Variants in PRKCA observed in about 807,000 individuals in gnomAD.
PRKCA encodes protein kinase C alpha type.
A neutral mutation model predicts 87.0 loss-of-function variants in PRKCA; 27 were observed. The ratio of observed to expected loss-of-function variants is 0.31; its 90% CI spans 0.23 to 0.43. PRKCA has a LOEUF of 0.43. Ranked by LOEUF, PRKCA falls within the 20% of genes least tolerant of loss-of-function variation. The pLI, the probability that PRKCA is intolerant of heterozygous loss-of-function variation, is 1.00. For missense variants in PRKCA, 518 were observed against 852.3 expected, an observed-to-expected ratio of 0.61 and a Z score of 4.88; for synonymous variants, 329 against 311.1, an observed-to-expected ratio of 1.06 and a Z score of -0.61.
At position 66,534,511 on chromosome 17, in the gene PRKCA, C is replaced by T. The variant is rs542815681; in HGVS notation, c.288+38228C>T. Among the ~76,000 whole-genome samples the T allele has an allele frequency of 7.9e-5, 12 of 151,956 alleles. 1 individual carries two copies. In the East Asian group the frequency reaches 2.3e-3, roughly 29 times the overall value. Reference sequence around the variant, plus strand: ...TGAAACCCCATCTCTACTAAAAATACAAAAAATTAGCCGGGCGTGGTGGCG... The same window carrying T: ...TGAAACCCCATCTCTACTAAAAATATAAAAAATTAGCCGGGCGTGGTGGCG... On this transcript the variant is annotated intron_variant, in intron 3 of 16. Coordinates refer to ENST00000413366, the MANE Select transcript of PRKCA (RefSeq NM_002737.3).
intron 2 of PRKCA, among the ~76,000 whole-genome samples, chr17:66,418,073 G>A (rs915993976): frequency 6.6e-6 from 1 of 152,088 alleles, no homozygotes; most frequent in South Asian, 2.1e-4. Context: ...TTTTTGGTGC[G>A]CGTGGGTTTT....
intron 2 of PRKCA, among the ~76,000 whole-genome samples, chr17:66,315,879 A>G (rs1352087718): frequency 6.6e-6 from 1 of 152,252 alleles, no homozygotes; most frequent in Non-Finnish European, 1.5e-5. Flanking sequence ...ATGTCATGCC[A>G]GACCCTGCAG....
At chr17:66,768,722 A>G (rs1411575149) in intron 13 of PRKCA, among the ~76,000 whole-genome samples, 2 of 152,214 alleles carry the variant, frequency 1.3e-5, no homozygotes, top group East Asian at 1.9e-4. Context: ...TTCACTCACT[A>G]TCATGGAGAA....
At chr17:66,775,083 G>A in intron 14 of PRKCA, 1 of 985,430 alleles carries the variant, frequency 1.0e-6, no homozygotes, top group South Asian at 4.7e-5. Context: ...GCTGAAATTA[G>A]GAGGAATTAG....
chr17:66,699,279 G>C (rs934522422), intron 8 of PRKCA, among the ~76,000 whole-genome samples: 1 of 150,340 alleles, frequency 6.7e-6, no homozygotes, highest in East Asian at 1.9e-4. Context: ...AACAAAATTG[G>C]TAAACCTTTA....
At chr17:66,719,353 T>A (rs1973556682) in intron 8 of PRKCA, among the ~76,000 whole-genome samples, 1 of 152,162 alleles carries the variant, frequency 6.6e-6, no homozygotes, top group African/African-American at 2.4e-5. Flanking sequence ...TCTATCTGTA[T>A]CACATAGGAA....
Position 66,807,521 on chromosome 17 carries a change from T to C in PRKCA, c.*3484T>C, listed in dbSNP as rs544997517. On this transcript the variant is annotated 3_prime_UTR_variant, in exon 17 of 17. Coordinates refer to ENST00000413366, the MANE Select transcript of PRKCA (RefSeq NM_002737.3). This position sits in a 1 kb window ranked among gnomAD's most constrained non-coding sequence, Gnocchi z 4.3. ...AAAGGCAGATCAGAAACCACAGGAG[T>C]CAAAATTATTGCTCCGGCAGTGCTT... is the stretch of plus-strand genomic sequence containing the variant. 6.6e-6 allele frequency: 1 copy of C among 151,956 alleles called. No homozygotes were observed. The highest frequency in any genetic ancestry group is 2.1e-4 in the South Asian group (1 of 4,812). The allele number at this position is 151,956 out of a possible 1,614,324, so 9.4% of individuals were successfully genotyped here. A position where few individuals can be genotyped will look rare whatever the true frequency, so the allele number is the denominator to read the frequency against.
chr17:66,509,634 A>C (rs533250799), intron 3 of PRKCA, among the ~76,000 whole-genome samples: 1 of 152,300 alleles, frequency 6.6e-6, no homozygotes, highest in South Asian at 2.1e-4. Flanking sequence ...TCATACAAAA[A>C]CACCATTGTG....
intron 2 of PRKCA, 110 bp downstream of exon 2, chr17:66,306,237 A>G (rs1904807581): frequency 1.6e-6 from 2 of 1,250,686 alleles, no homozygotes; most frequent in South Asian, 1.4e-5. Flanking sequence ...TGTTATTTAG[A>G]TAATTTTGAA....
At chr17:66,674,680 C>G (rs1373429346) in intron 5 of PRKCA, among the ~76,000 whole-genome samples, 1 of 152,126 alleles carries the variant, frequency 6.6e-6, no homozygotes, top group Non-Finnish European at 1.5e-5. Context: ...TGTTGGGAGC[C>G]TAAAAGATAC....
intron 8 of PRKCA, among the ~76,000 whole-genome samples, chr17:66,712,740 A>C (rs894934031): frequency 6.6e-6 from 1 of 152,166 alleles, no homozygotes; most frequent in African/African-American, 2.4e-5. Context: ...TCCCAGCTCC[A>C]ATATTTCATA....
In PRKCA at chr17:66,366,340, ATT is replaced by A. The variant is rs1908723920; in HGVS notation, c.205+60216_205+60217del. Reference sequence around the variant, plus strand: ...GCTTTAAAGCAAACTTTTTTACACCATTTTCTGAGGCTTTTATTAATTACTCT... The same window carrying A: ...GCTTTAAAGCAAACTTTTTTACACCATTCTGAGGCTTTTATTAATTACTCT... On this transcript the variant is annotated intron_variant, in intron 2 of 16. Transcript: ENST00000413366. Among the ~76,000 whole-genome samples, 3 of 152,152 alleles carry A rather than the reference ATT, an allele frequency of 2.0e-5. No homozygotes were observed. In the South Asian group the frequency reaches 6.2e-4, roughly 31 times the overall value.
At chr17:66,767,897 A>G (rs1974845903) in intron 13 of PRKCA, among the ~76,000 whole-genome samples, 1 of 152,178 alleles carries the variant, frequency 6.6e-6, no homozygotes, top group African/African-American at 2.4e-5. Context: ...TGCTCCTATC[A>G]TTCTAATTTA....
At chr17:66,496,338 T>A in intron 3 of PRKCA, 55 bp downstream of exon 3, 2 of 1,447,740 alleles carry the variant, frequency 1.4e-6, no homozygotes, top group South Asian at 2.3e-5. Context: ...GAGCTTTAAT[T>A]TTTTTAACGC....
chr17:66,592,626 G>A (rs1969844264), intron 3 of PRKCA, among the ~76,000 whole-genome samples: 1 of 152,172 alleles, frequency 6.6e-6, no homozygotes, highest in African/African-American at 2.4e-5. Context: ...AGGCAAGACT[G>A]GAGCATGAAC....
intron 16 of PRKCA, among the ~76,000 whole-genome samples, chr17:66,798,941 G>A (rs796507743): frequency 1.8e-4 from 20 of 109,952 alleles, no homozygotes; most frequent in East Asian, 3.3e-4. Flanking sequence ...GGTGGTGGTG[G>A]TGGTGGTGGT....
intron 11 of PRKCA, 79 bp downstream of exon 11, chr17:66,738,934 T>C: frequency 9.0e-7 from 1 of 1,114,362 alleles, no homozygotes; most frequent in Non-Finnish European, 1.3e-6. Flanking sequence ...CCCCCCCGCT[T>C]GAGATTGGGG....
intron 8 of PRKCA, among the ~76,000 whole-genome samples, chr17:66,698,517 T>C (rs1972984209): frequency 6.6e-6 from 1 of 152,064 alleles, no homozygotes; most frequent in Admixed American, 6.6e-5. Context: ...ATCCATGAAC[T>C]TAAAGACAGC....
rs1385650032 is a variant in PRKCA, at chr17:66,585,024, C to A, written c.289-56331C>A. Among the ~76,000 whole-genome samples the A allele has an allele frequency of 4.0e-5, 6 of 150,804 alleles. No individual in the cohort carries two copies. The East Asian group carries it at 8.0e-4, about 20-fold the overall frequency. Reference sequence around the variant, plus strand: ...TCTCTCTCCTTCAGAGAGAGAGGGGCTCCTGAGTGAGTCTTCCAGTTCCAT... The same window carrying A: ...TCTCTCTCCTTCAGAGAGAGAGGGGATCCTGAGTGAGTCTTCCAGTTCCAT... On this transcript the variant is annotated intron_variant, in intron 3 of 16. Transcript: ENST00000413366.
Sources: gnomAD v4.1 joint callset for allele counts (sites outside exome capture counted in the v4.1 genomes callset) on GRCh38, gnomAD v4.1.1 for gene constraint, Gnocchi (gnomAD v3.1) non-coding constraint, MANE v1.5 for transcripts, NCBI Gene and HGNC (gene_info 2026-07-23, HGNC 2026-07-21) for gene names.